The following ANKS1B variants were observed in gnomAD, a reference collection of about 807,000 sequenced individuals.
ANKS1B encodes the protein ankyrin repeat and sterile alpha motif domain containing 1B.
A neutral mutation model predicts 148.3 loss-of-function variants in ANKS1B; 36 were observed. That is an observed-to-expected ratio of 0.24 (90% CI 0.19 to 0.32). ANKS1B has a LOEUF of 0.32. Among genes scored for constraint, ANKS1B ranks in the 10% least tolerant of loss-of-function variants. ANKS1B has a pLI of 1.00. For synonymous variants in ANKS1B, 542 were observed against 560.8 expected, an observed-to-expected ratio of 0.97 and a Z score of 0.47; for missense variants, 1,157 against 1,542.6, an observed-to-expected ratio of 0.75 and a Z score of 4.19.
intron 12 of ANKS1B, among the ~76,000 whole-genome samples, chr12:99,350,229 C>A (rs2091251200): frequency 6.6e-6 from 1 of 152,018 alleles, no homozygotes; most frequent in African/African-American, 2.4e-5. Flanking sequence ...CCTTCACCTA[C>A]TGCCATGATT....
At chr12:98,803,646 A>G (rs1200613708) in intron 20 of ANKS1B, among the ~76,000 whole-genome samples, 1 of 152,134 alleles carries the variant, frequency 6.6e-6, no homozygotes, top group African/African-American at 2.4e-5. Flanking sequence ...AGTTTTCAAA[A>G]AAGTCTGAAC....
rs971133163 is a variant in ANKS1B at position 99,378,331 on chromosome 12, T to G, written c.1756+21300A>C. Among the ~76,000 whole-genome samples, 8 of 152,084 alleles carry G rather than the reference T, an allele frequency of 5.3e-5. 1 individual carries two copies. The highest frequency in any genetic ancestry group is 1.3e-4 in the Admixed American group (2 of 15,270). On this transcript the variant is annotated intron_variant, in intron 12 of 26. Coordinates refer to ENST00000683438, the MANE Select transcript of ANKS1B (RefSeq NM_001352186.2). Reference sequence around the variant, plus strand: ...GATTCATAGAAAATCCACGAAGTTCTTAAGAATTGTGTTGCTGAAAACACT... The same window carrying G: ...GATTCATAGAAAATCCACGAAGTTCGTAAGAATTGTGTTGCTGAAAACACT...
intron 4 of ANKS1B, among the ~76,000 whole-genome samples, chr12:99,803,516 C>A (rs1457846525): frequency 6.6e-6 from 1 of 152,040 alleles, no homozygotes; most frequent in African/African-American, 2.4e-5. Flanking sequence ...GACATCACCC[C>A]GATACTTCTG....
chr12:99,486,873 G>A (rs575383310), intron 10 of ANKS1B, among the ~76,000 whole-genome samples: 1 of 152,136 alleles, frequency 6.6e-6, no homozygotes, highest in Non-Finnish European at 1.5e-5. Context: ...TGACCCTGTA[G>A]GGTGCTCCTC....
Position 99,878,658 on chromosome 12 carries a change from C to T in ANKS1B, c.135-53269G>A, listed in dbSNP as rs2092294387. On this transcript the variant is annotated intron_variant, in intron 1 of 26. Coordinates refer to ENST00000683438, the MANE Select transcript of ANKS1B (RefSeq NM_001352186.2). ...CTATTTCCCATCTCATTATCTTTCA[C>T]TTCTTTTTTATTTTAAGTTCCGGGA... Among the ~76,000 whole-genome samples the T allele has an allele frequency of 2.6e-5, 4 of 152,078 alleles. No homozygotes were observed. The South Asian group carries it at 8.3e-4, about 32-fold the overall frequency.
intron 15 of ANKS1B, among the ~76,000 whole-genome samples, chr12:99,092,887 G>A (rs2054550551): frequency 6.6e-6 from 1 of 152,204 alleles, no homozygotes; most frequent in Non-Finnish European, 1.5e-5. Context: ...TGTAACATAG[G>A]TGGTATTATT....
chr12:98,931,771 C>T (rs532180352), intron 17 of ANKS1B: 1 of 152,266 alleles, frequency 6.6e-6, no homozygotes, highest in African/African-American at 2.4e-5. Flanking sequence ...CCTGTGTTTA[C>T]CCCCTCGAGC....
At chr12:98,870,556 C>T (rs1057340837) in intron 17 of ANKS1B, among the ~76,000 whole-genome samples, 1 of 152,242 alleles carries the variant, frequency 6.6e-6, no homozygotes, top group Non-Finnish European at 1.5e-5. Flanking sequence ...AGCAGGGAGT[C>T]CAGCTGGGAG....
intron 10 of ANKS1B, among the ~76,000 whole-genome samples, chr12:99,487,378 A>C (rs1481041533): frequency 1.3e-5 from 2 of 152,236 alleles, no homozygotes; most frequent in Admixed American, 1.3e-4. Flanking sequence ...TGCATTGGCA[A>C]ATTACAATTA....
chr12:99,162,193 C>T (rs893282094), intron 14 of ANKS1B, among the ~76,000 whole-genome samples: 4 of 152,018 alleles, frequency 2.6e-5, no homozygotes, highest in Non-Finnish European at 4.4e-5. Flanking sequence ...TGGAAAGTGA[C>T]TATTAATGGA....
chr12:99,038,616 C>G (rs2099956990), intron 17 of ANKS1B, among the ~76,000 whole-genome samples: 1 of 152,210 alleles, frequency 6.6e-6, no homozygotes. Context: ...TGCAACCCCT[C>G]TCCACAGCTC....
intron 9 of ANKS1B, among the ~76,000 whole-genome samples, chr12:99,522,985 C>T (rs2096890162): frequency 6.6e-6 from 1 of 152,090 alleles, no homozygotes; most frequent in African/African-American, 2.4e-5. Context: ...AATCAGGAAC[C>T]CAGAGGTAGA....
chr12:99,623,779 T>G (rs2098082638), intron 9 of ANKS1B, among the ~76,000 whole-genome samples: 1 of 151,956 alleles, frequency 6.6e-6, no homozygotes, highest in Admixed American at 6.6e-5. Context: ...GGAAAAACAT[T>G]CCACGCTCAT....
intron 8 of ANKS1B, among the ~76,000 whole-genome samples, chr12:99,667,742 T>C (rs1031424816): frequency 3.3e-5 from 5 of 152,224 alleles, no homozygotes; most frequent in African/African-American, 1.2e-4. Flanking sequence ...ATTATTCCTA[T>C]TCTCAGTTTA....
intron 17 of ANKS1B, among the ~76,000 whole-genome samples, chr12:98,983,206 G>C (rs2099916306): frequency 6.6e-6 from 1 of 152,154 alleles, no homozygotes; most frequent in Non-Finnish European, 1.5e-5. Flanking sequence ...CTCTTATCTA[G>C]AGGCGCTGTG....
intron 14 of ANKS1B, among the ~76,000 whole-genome samples, chr12:99,205,161 A>G (rs2082501524): frequency 6.6e-6 from 1 of 152,174 alleles, no homozygotes; most frequent in Admixed American, 6.5e-5. Context: ...CAAGAAACCA[A>G]GAGAGTGCGA....
intron 4 of ANKS1B, among the ~76,000 whole-genome samples, chr12:99,788,684 G>A (rs763746016): frequency 1.4e-4 from 21 of 152,122 alleles, no homozygotes; most frequent in Non-Finnish European, 2.4e-4. Flanking sequence ...TTCAGGCCTA[G>A]GCTCTTGGAC....
intron 9 of ANKS1B, among the ~76,000 whole-genome samples, chr12:99,620,803 AAG>A (rs1309183958): frequency 3.9e-5 from 6 of 152,180 alleles, no homozygotes; most frequent in Admixed American, 3.9e-4. Flanking sequence ...ATGAGAGAGA[AAG>A]AGAAAAAGTA....
intron 10 of ANKS1B, among the ~76,000 whole-genome samples, chr12:99,500,821 T>C (rs1026475167): frequency 6.6e-6 from 1 of 152,142 alleles, no homozygotes; most frequent in African/African-American, 2.4e-5. Flanking sequence ...TCAAATATAT[T>C]ATATTTGTCA....
Sources: gnomAD v4.1 joint callset for allele counts (sites outside exome capture counted in the v4.1 genomes callset) on GRCh38, gnomAD v4.1.1 for gene constraint, MANE v1.5 for transcripts, NCBI Gene and HGNC (gene_info 2026-07-23, HGNC 2026-07-21) for gene names.